ARHGAP24: variants seen among roughly 807,000 people sequenced by gnomAD.
ARHGAP24 encodes the protein Rho GTPase activating protein 24, also known as rho GTPase-activating protein 24.
A neutral mutation model predicts 76.4 loss-of-function variants in ARHGAP24; 50 were observed. The ratio of observed to expected loss-of-function variants is 0.65; its 90% CI spans 0.52 to 0.83. The LOEUF is 0.83. Among genes scored for constraint, ARHGAP24 ranks in the 40% least tolerant of loss-of-function variants. The probability of loss-of-function intolerance (pLI) is 0.00; values close to 1 mark genes in which losing one functional copy is unlikely to be tolerated. For synonymous variants in ARHGAP24, 345 were observed against 323.3 expected, an observed-to-expected ratio of 1.07 and a Z score of -0.72; for missense variants, 930 against 914.2, an observed-to-expected ratio of 1.02 and a Z score of -0.22.
At chr4:85,556,443 T>C (rs1398341166) in intron 1 of ARHGAP24, among the ~76,000 whole-genome samples, 1 of 152,128 alleles carries the variant, frequency 6.6e-6, no homozygotes, top group African/African-American at 2.4e-5. Flanking sequence ...CCTCTCCATA[T>C]GATAGCTGCA....
At chr4:85,896,470 T>C (rs936608802) in intron 3 of ARHGAP24, among the ~76,000 whole-genome samples, 1 of 152,218 alleles carries the variant, frequency 6.6e-6, no homozygotes, top group Non-Finnish European at 1.5e-5. Context: ...TCTCTTCTTA[T>C]AGTGTCGTAG....
chr4:85,667,878 A>T (rs886952053), intron 2 of ARHGAP24, among the ~76,000 whole-genome samples: 1 of 152,170 alleles, frequency 6.6e-6, no homozygotes, highest in Non-Finnish European at 1.5e-5. Flanking sequence ...TTTCTCATTG[A>T]TGTCAAGAAA....
At chr4:85,734,170 G>C (rs1401082389) in intron 3 of ARHGAP24, among the ~76,000 whole-genome samples, 1 of 152,102 alleles carries the variant, frequency 6.6e-6, no homozygotes. Flanking sequence ...AAAAACACAG[G>C]AAATAAAAAT....
At chr4:85,554,592 T>C (rs771132523) in intron 1 of ARHGAP24, among the ~76,000 whole-genome samples, 6 of 152,178 alleles carry the variant, frequency 3.9e-5, no homozygotes, top group African/African-American at 1.2e-4. Flanking sequence ...ATGCTTGTGA[T>C]TGCATTATGA....
At chr4:85,770,167 C>G (rs897257038) in intron 3 of ARHGAP24, among the ~76,000 whole-genome samples, 1 of 152,214 alleles carries the variant, frequency 6.6e-6, no homozygotes, top group Non-Finnish European at 1.5e-5. Flanking sequence ...AGGGCCTCCT[C>G]TATTCATTTC....
At chr4:85,721,804 TTGGATATTCAC>T in intron 2 of ARHGAP24, 70 bp from the exon 3 acceptor site, 1 of 1,230,054 alleles carries the variant, frequency 8.1e-7, no homozygotes, top group South Asian at 1.2e-5. Flanking sequence ...TAGCTACACC[TTGGATATTCAC>T]TGATTATAAT....
chr4:85,714,350 T>A (rs1312539629), intron 2 of ARHGAP24, among the ~76,000 whole-genome samples: 1 of 152,170 alleles, frequency 6.6e-6, no homozygotes, highest in African/African-American at 2.4e-5. Context: ...GTTAGTCTCC[T>A]AGGATCTGAA....
At chr4:85,914,848 C>G (rs1482403321) in intron 3 of ARHGAP24, among the ~76,000 whole-genome samples, 1 of 152,194 alleles carries the variant, frequency 6.6e-6, no homozygotes, top group Non-Finnish European at 1.5e-5. Context: ...GATTTGCTTT[C>G]TCTTGTAATT....
chr4:85,590,800 G>A (rs745343817), intron 2 of ARHGAP24, among the ~76,000 whole-genome samples: 1 of 151,770 alleles, frequency 6.6e-6, no homozygotes, highest in Non-Finnish European at 1.5e-5. Context: ...AATTATTATT[G>A]TACTTTTAAG....
chr4:85,885,768 G>A (rs1371923861), intron 3 of ARHGAP24, among the ~76,000 whole-genome samples: 2 of 152,022 alleles, frequency 1.3e-5, no homozygotes, highest in Non-Finnish European at 2.9e-5. Context: ...TGTTGTTATG[G>A]CTAGTAGAAT....
chr4:85,930,742 T>C (rs982894292), intron 4 of ARHGAP24: 1 of 1,294,320 alleles, frequency 7.7e-7, no homozygotes, highest in Non-Finnish European at 9.8e-7. Flanking sequence ...TTTTTTTTGC[T>C]AAACAGGAGT....
intron 1 of ARHGAP24, among the ~76,000 whole-genome samples, chr4:85,492,233 G>A (rs1723386524): frequency 6.6e-6 from 1 of 151,600 alleles, no homozygotes; most frequent in Non-Finnish European, 1.5e-5. Context: ...ATTATTACTG[G>A]TCATGGTGTT....
intron 1 of ARHGAP24, among the ~76,000 whole-genome samples, chr4:85,475,795 G>A (rs1426844163): frequency 1.3e-5 from 2 of 151,384 alleles, no homozygotes; most frequent in Non-Finnish European, 3.0e-5. Context: ...GTGTGTGTGC[G>A]CGCGCGCGCA....
At chr4:85,693,436 C>T (rs1441152496) in intron 2 of ARHGAP24, among the ~76,000 whole-genome samples, 1 of 152,198 alleles carries the variant, frequency 6.6e-6, no homozygotes, top group Non-Finnish European at 1.5e-5. Flanking sequence ...CTCACTGCCT[C>T]AGTCTCTGAG....
chr4:85,943,630 G>T (rs1737075333), intron 5 of ARHGAP24, among the ~76,000 whole-genome samples: 1 of 151,890 alleles, frequency 6.6e-6, no homozygotes, highest in African/African-American at 2.4e-5. Context: ...CCCACAACAG[G>T]CCTGGTGTGT....
chr4:85,543,224 G>A (rs10516749), intron 1 of ARHGAP24, among the ~76,000 whole-genome samples: 18,786 of 152,142 alleles, frequency 0.12, 3,269 homozygotes, highest in African/African-American at 0.39. Flanking sequence ...TTTGAACATG[G>A]CATGCTCTGC....
chr4:85,666,233 C>T (rs1193994456), intron 2 of ARHGAP24, among the ~76,000 whole-genome samples: 2 of 152,132 alleles, frequency 1.3e-5, no homozygotes, highest in African/African-American at 4.8e-5. Context: ...TCTTTTTTCT[C>T]TAAACTTCCC....
intron 2 of ARHGAP24, among the ~76,000 whole-genome samples, chr4:85,689,581 G>GT (rs1723554712): frequency 6.6e-6 from 1 of 152,052 alleles, no homozygotes; most frequent in East Asian, 1.9e-4. Flanking sequence ...CAGAAACGAG[G>GT]TTTTGCCATG....
chr4:85,831,306 A>G (rs1729983279), intron 3 of ARHGAP24, among the ~76,000 whole-genome samples: 1 of 152,224 alleles, frequency 6.6e-6, no homozygotes, highest in Non-Finnish European at 1.5e-5. Context: ...ACTTCCAAGT[A>G]TTTCTAATGG....
Sources: gnomAD v4.1 joint callset for allele counts (sites outside exome capture counted in the v4.1 genomes callset) on GRCh38, gnomAD v4.1.1 for gene constraint, MANE v1.5 for transcripts, NCBI Gene and HGNC (gene_info 2026-07-23, HGNC 2026-07-21) for gene names.